Variants in MROH2B observed in about 807,000 individuals in gnomAD.
MROH2B encodes maestro heat like repeat family member 2B.
In MROH2B, 177 loss-of-function variants were observed where a neutral mutation model predicts 208.6. The observed-to-expected ratio is 0.85, with a 90% confidence interval of 0.75 to 0.96. MROH2B has a LOEUF of 0.96. MROH2B is among the 40% of genes least tolerant of loss of function. The probability of loss-of-function intolerance (pLI) is 0.00; values close to 1 mark genes in which losing one functional copy is unlikely to be tolerated. For missense variants in MROH2B, 2,002 were observed against 1,878.7 expected (o/e 1.07, Z -1.21); for synonymous variants, 728 against 659.0 (o/e 1.10, Z -1.60).
intron 24 of MROH2B, among the ~76,000 whole-genome samples, chr5:41,030,577 T>C (rs1258141333): frequency 6.6e-6 from 1 of 151,962 alleles, no homozygotes; most frequent in African/African-American, 2.4e-5. Flanking sequence ...AATGCAATTC[T>C]CATTAAAATA....
intron 38 of MROH2B, 135 bp from the exon 39 acceptor site, chr5:41,000,486 C>G: frequency 7.4e-7 from 1 of 1,345,272 alleles, no homozygotes; most frequent in Non-Finnish European, 1.0e-6. Flanking sequence ...ATTGCTGGCA[C>G]CTTCCCAGTT....
chr5:41,057,074 A>T lies in MROH2B; in HGVS notation c.919+35T>A, dbSNP rs779789482. 5 of 1,607,988 alleles carry T rather than the reference A, an allele frequency of 3.1e-6. No homozygotes were observed. The East Asian group carries it at 1.1e-4, about 36-fold the overall frequency. ...ATTGTCATCATCATCACTTGGGGAC[A>T]TTTTTATTAAAAGCCTTCTGGATGC... On this transcript the variant is annotated intron_variant, in intron 9 of 41. Coordinates refer to ENST00000399564, the MANE Select transcript of MROH2B (RefSeq NM_173489.5).
In MROH2B at chr5:41,038,822, G is replaced by C. The variant is rs376700959; in HGVS notation, c.2128C>G (p.Leu710Val). The C allele has an allele frequency of 2.5e-6, 4 of 1,613,314 alleles. No individual in the cohort carries two copies. The African/African-American group carries it at 5.3e-5, about 22-fold the overall frequency. Residue 710 changes from leucine to valine, a missense_variant, in exon 21 of 42, where the codon CTC becomes GTC. By Grantham distance (32) the Leu-to-Val change is conservative. Coordinates refer to ENST00000399564, the MANE Select transcript of MROH2B (RefSeq NM_173489.5). ...AGAAGTTGCTTCTTGGGAGCATGGA[G>C]GGCCACTGCTCCATAGATGACCATG... Reference protein sequence around the residue: ...DVMVIYGAVALHAPKKQLLSR... With the variant: ...DVMVIYGAVAVHAPKKQLLSR...
intron 41 of MROH2B, 148 bp downstream of exon 41, chr5:40,998,464 A>G: frequency 1.5e-6 from 1 of 671,458 alleles, no homozygotes; most frequent in East Asian, 2.7e-5. Flanking sequence ...TGTACCCTGG[A>G]GAAATTCTAG....
intron 24 of MROH2B, among the ~76,000 whole-genome samples, chr5:41,020,360 T>C (rs1296491403): frequency 6.6e-6 from 1 of 152,212 alleles, no homozygotes; most frequent in Non-Finnish European, 1.5e-5. Context: ...TAATTCTTAA[T>C]TCAGCTTCAA....
intron 16 of MROH2B, 77 bp from the exon 17 acceptor site, chr5:41,047,841 C>T: frequency 8.2e-7 from 1 of 1,217,954 alleles, no homozygotes; most frequent in Non-Finnish European, 1.2e-6. Context: ...TCCAGGCCTC[C>T]AGTGATACTG....
At chr5:41,009,798 T>C in intron 31 of MROH2B, 124 bp downstream of exon 31, 3 of 903,458 alleles carry the variant, frequency 3.3e-6, no homozygotes, top group Non-Finnish European at 3.2e-6. Context: ...AATTGTTAAA[T>C]TGTTATTCAG....
Position 40,998,671 on chromosome 5 carries a change from A to G in MROH2B, c.4592T>C (p.Val1531Ala). 6.3e-7 allele frequency: 1 copy of G among 1,582,294 alleles called. No individual in the cohort carries two copies. The highest frequency in any genetic ancestry group is 1.2e-5 in the South Asian group (1 of 86,348). The change falls in exon 41 of 42, where the codon GTT (valine) becomes GCT (alanine). Residue 1531 changes from valine (V) to alanine (A), a missense_variant. By Grantham distance (64) the Val-to-Ala change is moderately conservative. Coordinates refer to ENST00000399564, the MANE Select transcript of MROH2B (RefSeq NM_173489.5). ...ATATTGGCTGGTCAAATTGAGAACA[A>G]CGGCATCTAAAGTTAATAGGAGACC... ...RSAAVKLTDA[V>A]VLNLTSQYVE...
Position 41,058,196 on chromosome 5 carries a change from C to T in MROH2B, c.623G>A (p.Ser208Asn), listed in dbSNP as rs748853904. ...APLASPMQTL[S>N]IVKAHGPTVS... ...CGTGGGCCCGTGGGCCTTAACGATG[C>T]TCAAAGTCTGTACAGGCAGCAAACA... The change falls in exon 7 of 42, where the codon AGC becomes AAC. Residue 208 changes from serine to asparagine, a missense_variant. Ser to Asn is a conservative substitution (Grantham distance 46, BLOSUM62 1). Coordinates refer to ENST00000399564, the MANE Select transcript of MROH2B (RefSeq NM_173489.5). 1 of 1,570,810 alleles carries T rather than the reference C, an allele frequency of 6.4e-7. No homozygotes were observed. The highest frequency in any genetic ancestry group is 8.6e-7 in the Non-Finnish European group (1 of 1,157,656).
At position 41,009,936 on chromosome 5, in the gene MROH2B, A is replaced by C; in HGVS notation, c.3279T>G (p.Pro1093=). Residue 1093 remains proline (P), a synonymous_variant, in exon 31 of 42, where the codon CCT becomes CCG. Coordinates refer to ENST00000399564, the MANE Select transcript of MROH2B (RefSeq NM_173489.5). ...TAAGGATCTACCTGTCAAAAGGCAG[A>C]GGCTTCTGTAAAAGGTTGACAACAA... ...DTVVVNLLQK[P]LPFDRDTKTL... is the part of the protein sequence containing the mutation. 1 of 1,613,620 alleles carries C rather than the reference A, an allele frequency of 6.2e-7. No homozygotes were observed. Among genetic ancestry groups the C allele is most frequent in the Non-Finnish European group, 8.5e-7 (1 of 1,179,672 alleles).
chr5:41,004,286 C>A, intron 37 of MROH2B, 60 bp downstream of exon 37: 1 of 1,568,468 alleles, frequency 6.4e-7, no homozygotes, highest in East Asian at 2.2e-5. Flanking sequence ...TGAGCACTAC[C>A]TAAACCTGTT....
Position 41,009,388 on chromosome 5 carries a change from C to G in MROH2B, c.3312G>C (p.Trp1104Cys). Residue 1104 changes from tryptophan (W) to cysteine (C), a missense_variant, in exon 32 of 42, where the codon TGG becomes TGC. Physicochemically the swap from Trp to Cys is radical, Grantham distance 215. Transcript: ENST00000399564. ...AGGCTGGCTTTTCAGCCAGCGCCTTCCACAATGTCTTTGTGTCCCTAGGGT... is the reference window on the plus strand; with the variant it reads ...AGGCTGGCTTTTCAGCCAGCGCCTTGCACAATGTCTTTGTGTCCCTAGGGT... ...LPFDRDTKTL[W>C]KALAEKPASS... The G allele has an allele frequency of 1.2e-6, 2 of 1,613,836 alleles. No homozygotes were observed. Among genetic ancestry groups the G allele is most frequent in the Non-Finnish European group, 1.7e-6 (2 of 1,179,790 alleles).
chr5:41,026,181 G>T (rs1742353331), intron 24 of MROH2B, among the ~76,000 whole-genome samples: 1 of 152,156 alleles, frequency 6.6e-6, no homozygotes, highest in Non-Finnish European at 1.5e-5. Flanking sequence ...GGAAGTTCTG[G>T]TCAGCGCAAT....
At chr5:41,009,600 T>C (rs1023615044) in intron 31 of MROH2B, among the ~76,000 whole-genome samples, 194 bp from the exon 32 acceptor site, 2 of 152,178 alleles carry the variant, frequency 1.3e-5, no homozygotes, top group African/African-American at 4.8e-5. Context: ...TACAGAACTT[T>C]GTTAAAGTCC....
chr5:41,024,493 G>A (rs200387999), intron 24 of MROH2B, among the ~76,000 whole-genome samples: 2 of 152,030 alleles, frequency 1.3e-5, no homozygotes, highest in Admixed American at 6.6e-5. Flanking sequence ...AACTATCCTA[G>A]ATATATATGC....
At chr5:41,039,653 C>G in intron 19 of MROH2B, 98 bp from the exon 20 acceptor site, 1 of 787,148 alleles carries the variant, frequency 1.3e-6, no homozygotes, top group Admixed American at 2.8e-5. Context: ...CCTTTAGGTG[C>G]TGGGGGTACA....
Position 41,057,358 on chromosome 5 carries a change from G to C in MROH2B, c.759C>G (p.Ser253Arg). 6.4e-7 allele frequency: 1 copy of C among 1,568,520 alleles called. No homozygotes were observed. The highest frequency in any genetic ancestry group is 8.7e-7 in the Non-Finnish European group (1 of 1,155,570). ...CTGCTGCAGTCAGTATTTGTTTTAG[G>C]CTCTAAAGTGGAAACTCCCACAGGT... Reference protein sequence around the residue: ...DKEIDFHVTQSLKQILTAAVL... With the variant: ...DKEIDFHVTQRLKQILTAAVL... The change falls in exon 8 of 42, where the codon AGC becomes AGG. Residue 253 changes from serine to arginine, a missense_variant and splice_region_variant. By Grantham distance (110) the Ser-to-Arg change is moderately radical. Transcript: ENST00000399564.
intron 36 of MROH2B, 120 bp downstream of exon 36, chr5:41,004,654 C>T: frequency 6.6e-7 from 1 of 1,518,618 alleles, no homozygotes; most frequent in Admixed American, 2.1e-5. Context: ...GAAGGACTAC[C>T]ACTTCAGCAA....
intron 5 of MROH2B, among the ~76,000 whole-genome samples, chr5:41,063,845 G>A (rs776259158): frequency 6.6e-5 from 10 of 152,078 alleles, no homozygotes; most frequent in Non-Finnish European, 1.2e-4. Flanking sequence ...CTGCTTCCTA[G>A]GAATTCCAGG....
Sources: allele counts gnomAD v4.1 joint callset (sites outside exome capture counted in the v4.1 genomes callset), GRCh38; gene constraint gnomAD v4.1.1; transcripts MANE v1.5; gene names NCBI Gene and HGNC (gene_info 2026-07-23, HGNC 2026-07-21).